Variants in RFT1 observed in about 807,000 individuals in gnomAD.
RFT1 encodes the protein man(5)GlcNAc(2)-PP-dolichol translocation protein RFT1.
Under a neutral mutation model 62.2 loss-of-function variants are expected in RFT1, and 43 were observed. That is an observed-to-expected ratio of 0.69 (90% CI 0.54 to 0.89). The LOEUF (loss-of-function observed/expected upper bound fraction) is 0.89, where lower values mean the gene tolerates loss of function less well. Ranked by LOEUF, RFT1 falls within the 40% of genes least tolerant of loss-of-function variation. RFT1 has a pLI of 0.00. For synonymous variants in RFT1, 262 were observed against 264.6 expected (o/e 0.99, Z 0.10); for missense variants, 605 against 649.9 (o/e 0.93, Z 0.75).
chr3:53,123,698 G>C (rs763437768), intron 3 of RFT1, 26 bp downstream of exon 3: 1 of 1,558,612 alleles, frequency 6.4e-7, no homozygotes, highest in Non-Finnish European at 8.9e-7. Context: ...TTCCTGAAAC[G>C]TGTCTCCTGC....
chr3:53,082,953 T>C, the RFT1 span, among the ~76,000 whole-genome samples: 1 of 152,044 alleles, frequency 6.6e-6, no homozygotes, highest in Non-Finnish European at 1.5e-5. Flanking sequence ...CCCAGCACTT[T>C]GGGAGGCTAA....
At chr3:53,106,408 C>T (rs1701476145) in intron 8 of RFT1, among the ~76,000 whole-genome samples, 1 of 152,098 alleles carries the variant, frequency 6.6e-6, no homozygotes, top group South Asian at 2.1e-4. Context: ...CTTTCTTATA[C>T]AGGTCATTAA....
rs1575503447 is a variant in RFT1 at position 53,123,785 on chromosome 3, C to G, written c.205G>C (p.Ala69Pro). 2 of 1,614,234 alleles carry G rather than the reference C, an allele frequency of 1.2e-6. No individual in the cohort carries two copies. Among genetic ancestry groups the G allele is most frequent in the Non-Finnish European group, 1.7e-6 (2 of 1,180,014 alleles). ...LFLAREAFRR[A>P]CLSGGTQRDW... ...CGCTGGGTGCCCCCACTGAGACATG[C>G]TCTGCGGAAGGCCTCTCTGGCCAGG... is the stretch of plus-strand genomic sequence containing the variant. Residue 69 changes from alanine (A) to proline (P), a missense_variant, in exon 3 of 13, where the codon GCA (alanine) becomes CCA (proline). Transcript: ENST00000296292.
chr3:53,106,691 T>C, intron 8 of RFT1, 128 bp downstream of exon 8: 1 of 789,860 alleles, frequency 1.3e-6, no homozygotes, highest in Non-Finnish European at 2.1e-6. Flanking sequence ...AGACCTACAA[T>C]TTACAATCTT....
chr3:53,125,445 G>A (rs1424898378), intron 2 of RFT1, among the ~76,000 whole-genome samples: 1 of 152,190 alleles, frequency 6.6e-6, no homozygotes, highest in Admixed American at 6.5e-5. Flanking sequence ...ACTCAAGCTC[G>A]AATCCCAGTT....
At chr3:53,067,984 A>G in the RFT1 span, among the ~76,000 whole-genome samples, 1 of 152,226 alleles carries the variant, frequency 6.6e-6, no homozygotes, top group Admixed American at 6.5e-5. Context: ...AGCCAAGGCC[A>G]AGTCATGCCC....
chr3:53,090,357 C>T lies in RFT1; in HGVS notation c.*1546G>A, dbSNP rs960400995. 6 of 152,640 alleles carry T rather than the reference C, an allele frequency of 3.9e-5. No individual in the cohort carries two copies. The highest frequency in any genetic ancestry group is 1.9e-4 in the East Asian group (1 of 5,194). 9.5% of individuals were successfully genotyped at this position (152,640 alleles called of 1,614,324 possible). On this transcript the variant is annotated 3_prime_UTR_variant, in exon 13 of 13. Transcript: ENST00000296292. ...GCCTTCCGTGTGTGCTCCACTTGAC[C>T]CTATGGGACCATCCATTTTTCTGAG...
chr3:53,095,049 C>T (rs1335956361), intron 11 of RFT1, among the ~76,000 whole-genome samples: 4 of 150,208 alleles, frequency 2.7e-5, no homozygotes, highest in Non-Finnish European at 5.9e-5. Context: ...GGGTAGATCG[C>T]GAGGTCAAGA....
At chr3:53,086,304 G>C (rs761717444), downstream of RFT1, among the ~76,000 whole-genome samples, 1 of 151,938 alleles carries the variant, frequency 6.6e-6, no homozygotes, top group African/African-American at 2.4e-5. Flanking sequence ...TTGTTCAGTT[G>C]CTTTTTTTTC....
the RFT1 span, among the ~76,000 whole-genome samples, chr3:53,082,185 G>A: frequency 6.6e-6 from 1 of 152,054 alleles, no homozygotes; most frequent in South Asian, 2.1e-4. Flanking sequence ...TCTAATAGAG[G>A]GAGGAACTTG....
At chr3:53,071,918 G>A in the RFT1 span, among the ~76,000 whole-genome samples, 4 of 152,180 alleles carry the variant, frequency 2.6e-5, no homozygotes, top group South Asian at 8.3e-4. Flanking sequence ...GGGGCAGCAG[G>A]GCTGCCAATG....
chr3:53,099,382 T>C lies in RFT1; in HGVS notation c.1207A>G (p.Arg403Gly). ...FAAMSKEEVD[R>G]YNFVMLALSS... ...AGGTGTACCTGCTAGGTTACCCACC[T>C]GTCGACCTCCTCTTTGCTCATGGCA... is the stretch of plus-strand genomic sequence containing the variant. Residue 403 changes from arginine to glycine, a missense_variant and splice_region_variant, in exon 11 of 13, where the codon AGG becomes GGG. Physicochemically the swap from Arg to Gly is moderately radical, Grantham distance 125. Coordinates refer to ENST00000296292, the MANE Select transcript of RFT1 (RefSeq NM_052859.4). The C allele has an allele frequency of 6.2e-7, 1 of 1,613,100 alleles. No homozygotes were observed. Among genetic ancestry groups the C allele is most frequent in the Non-Finnish European group, 8.5e-7 (1 of 1,179,066 alleles).
At position 53,117,331 on chromosome 3, in the gene RFT1, G is replaced by A. The variant is rs529894476; in HGVS notation, c.696+2553C>T. On this transcript the variant is annotated intron_variant, in intron 6 of 12. Transcript: ENST00000296292. ...TCTTCAGAGGGGCCTCACAGGTCAC[G>A]TAGGCCAACAATCTCACTTTAAAAA... Among the ~76,000 whole-genome samples the A allele has an allele frequency of 3.9e-5, 6 of 152,294 alleles. No individual in the cohort carries two copies. In the South Asian group the frequency reaches 8.3e-4, roughly 21 times the overall value.
At chr3:53,093,877 C>T (rs914785425) in intron 11 of RFT1, among the ~76,000 whole-genome samples, 3 of 152,020 alleles carry the variant, frequency 2.0e-5, no homozygotes, top group Non-Finnish European at 4.4e-5. Flanking sequence ...AAAAATTAGC[C>T]GTGATATACA....
At chr3:53,067,053 C>T in the RFT1 span, among the ~76,000 whole-genome samples, 20 of 152,312 alleles carry the variant, frequency 1.3e-4, no homozygotes, top group African/African-American at 4.1e-4. Flanking sequence ...ATTGGCTGGG[C>T]GCAGTGGCTC....
chr3:53,095,531 G>A (rs1701114948), intron 11 of RFT1, among the ~76,000 whole-genome samples: 1 of 152,020 alleles, frequency 6.6e-6, no homozygotes, highest in African/African-American at 2.4e-5. Flanking sequence ...GGGAAACATG[G>A]TGCCCAGAGA....
intron 11 of RFT1, among the ~76,000 whole-genome samples, chr3:53,096,547 T>C (rs530311099): frequency 2.0e-5 from 3 of 151,832 alleles, no homozygotes; most frequent in African/African-American, 4.8e-5. Flanking sequence ...TAGCTGGGCA[T>C]GGTCGCACAC....
chr3:53,118,554 CTCACATATTTTACTACTTTTTCAAGTA>C (rs1327396363), intron 6 of RFT1, among the ~76,000 whole-genome samples: 1 of 152,126 alleles, frequency 6.6e-6, no homozygotes. Flanking sequence ...AGACTTAAGT[CTCACATATTTTACTACTTTTTCAAGTA>C]TCACAAGAGG....
intron 6 of RFT1, 107 bp downstream of exon 6, chr3:53,119,777 T>C: frequency 9.0e-7 from 1 of 1,105,360 alleles, no homozygotes; most frequent in Non-Finnish European, 1.3e-6. Flanking sequence ...ATATGAGCTA[T>C]AAAATTCTAT....
Sources: gnomAD v4.1 joint callset for allele counts (sites outside exome capture counted in the v4.1 genomes callset) on GRCh38, gnomAD v4.1.1 for gene constraint, MANE v1.5 for transcripts, NCBI Gene and HGNC (gene_info 2026-07-23, HGNC 2026-07-21) for gene names.